Variants in PCBD2 observed in about 807,000 individuals in gnomAD.
PCBD2 encodes the protein pterin-4-alpha-carbinolamine dehydratase 2.
A neutral mutation model predicts 16.4 loss-of-function variants in PCBD2; 12 were observed. The ratio of observed to expected loss-of-function variants is 0.73; its 90% confidence interval spans 0.47 to 1.19. The LOEUF (loss-of-function observed/expected upper bound fraction) is 1.19. Among genes scored for constraint, PCBD2 ranks in the 50% most tolerant of loss-of-function variants. The pLI, the probability that PCBD2 is intolerant of heterozygous loss-of-function variation, is 0.00. For synonymous variants in PCBD2, 58 were observed against 61.8 expected, an observed-to-expected ratio of 0.94 and a Z score of 0.29; for missense variants, 138 against 156.8, an observed-to-expected ratio of 0.88 and a Z score of 0.64.
intron 2 of PCBD2, among the ~76,000 whole-genome samples, chr5:134,950,069 T>G (rs1751341584): frequency 6.6e-6 from 1 of 152,250 alleles, no homozygotes; most frequent in Non-Finnish European, 1.5e-5. Context: ...TAATAGTGTT[T>G]TCATTTGTAA....
intron 2 of PCBD2, among the ~76,000 whole-genome samples, chr5:134,922,346 C>T (rs1049940345): frequency 6.6e-6 from 1 of 151,506 alleles, no homozygotes; most frequent in African/African-American, 2.4e-5. Context: ...CACCCAGCTC[C>T]TCAGTTCAGT....
intron 2 of PCBD2, among the ~76,000 whole-genome samples, chr5:134,936,934 G>C (rs1386129669): frequency 6.6e-6 from 1 of 152,134 alleles, no homozygotes; most frequent in Admixed American, 6.5e-5. Flanking sequence ...TCACTCATTA[G>C]TGCCCTATTA....
At chr5:134,951,799 T>A (rs940899807) in intron 2 of PCBD2, among the ~76,000 whole-genome samples, 1 of 152,214 alleles carries the variant, frequency 6.6e-6, no homozygotes, top group East Asian at 1.9e-4. Flanking sequence ...TATTATGTCC[T>A]TTGCTCATTT....
intron 2 of PCBD2, among the ~76,000 whole-genome samples, chr5:134,958,180 G>T (rs1260640311): frequency 6.6e-6 from 1 of 152,120 alleles, no homozygotes; most frequent in Admixed American, 6.5e-5. Context: ...TGTGCATTCT[G>T]GAACAATAGA....
intron 2 of PCBD2, among the ~76,000 whole-genome samples, chr5:134,918,326 G>A (rs1750858871): frequency 6.6e-6 from 1 of 152,028 alleles, no homozygotes; most frequent in Non-Finnish European, 1.5e-5. Flanking sequence ...CCAAAATGGC[G>A]AAACCCCTTC....
intron 2 of PCBD2, among the ~76,000 whole-genome samples, chr5:134,920,526 G>A (rs112477784): frequency 1.3e-5 from 2 of 152,364 alleles, no homozygotes; most frequent in African/African-American, 4.8e-5. Flanking sequence ...TTGTTTGGGA[G>A]TAGCCCAGGT....
intron 1 of PCBD2, among the ~76,000 whole-genome samples, chr5:134,906,986 G>T (rs1750699361): frequency 6.6e-6 from 1 of 152,218 alleles, no homozygotes; most frequent in Non-Finnish European, 1.5e-5. Flanking sequence ...CCATTTCCCA[G>T]TCCTGGGTGT....
intron 2 of PCBD2, among the ~76,000 whole-genome samples, chr5:134,939,474 G>A (rs763748788): frequency 3.9e-5 from 6 of 151,940 alleles, no homozygotes; most frequent in Non-Finnish European, 7.4e-5. Flanking sequence ...TAGGGAAATC[G>A]GAAGCAGTCA....
intron 2 of PCBD2, among the ~76,000 whole-genome samples, chr5:134,946,680 C>T (rs954171035): frequency 3.9e-5 from 6 of 152,142 alleles, no homozygotes; most frequent in Admixed American, 2.0e-4. Flanking sequence ...AAAATGTGTA[C>T]TGCTTATAGA....
chr5:134,949,051 T>C (rs1428984773), intron 2 of PCBD2, among the ~76,000 whole-genome samples: 1 of 151,960 alleles, frequency 6.6e-6, no homozygotes, highest in South Asian at 2.1e-4. Flanking sequence ...TTAGGATTGG[T>C]GGGAGTTGTG....
At chr5:134,937,608 A>G (rs1751175953) in intron 2 of PCBD2, among the ~76,000 whole-genome samples, 1 of 152,236 alleles carries the variant, frequency 6.6e-6, no homozygotes, top group African/African-American at 2.4e-5. Flanking sequence ...GCTCTAATGC[A>G]CACTGTTTTA....
chr5:134,908,701 T>C (rs2149529548), intron 1 of PCBD2: 1 of 152,076 alleles, frequency 6.6e-6, no homozygotes, highest in Non-Finnish European at 1.5e-5. Context: ...CATTCTTTCC[T>C]TTTGTTAGTT....
intron 2 of PCBD2, among the ~76,000 whole-genome samples, chr5:134,956,571 TG>T (rs1278330249): frequency 6.6e-6 from 1 of 152,250 alleles, no homozygotes; most frequent in African/African-American, 2.4e-5. Flanking sequence ...TGTAAGAACT[TG>T]GGCAGTGACT....
At chr5:134,910,513 C>T (rs1396913100) in intron 2 of PCBD2, 47 bp downstream of exon 2, 1 of 1,595,298 alleles carries the variant, frequency 6.3e-7, no homozygotes, top group South Asian at 1.1e-5. Context: ...TTTTAGTCAC[C>T]TTAGGCCATA....
intron 3 of PCBD2, 90 bp downstream of exon 3, chr5:134,959,210 T>C: frequency 1.0e-6 from 1 of 956,592 alleles, no homozygotes; most frequent in Non-Finnish European, 1.6e-6. Flanking sequence ...CTAAATGTCA[T>C]TGTACTTAAG....
chr5:134,925,419 G>T (rs374438880), intron 2 of PCBD2: 1 of 398,492 alleles, frequency 2.5e-6, no homozygotes. Flanking sequence ...TGAGGTTGTG[G>T]ATGATGGATC....
At chr5:134,912,611 A>G (rs545688098) in intron 2 of PCBD2, among the ~76,000 whole-genome samples, 3 of 152,348 alleles carry the variant, frequency 2.0e-5, no homozygotes, top group African/African-American at 4.8e-5. Context: ...AGAAGAAGCA[A>G]TAGTCACTCA....
intron 2 of PCBD2, among the ~76,000 whole-genome samples, chr5:134,919,378 G>A (rs1750875200): frequency 6.6e-6 from 1 of 152,150 alleles, no homozygotes; most frequent in East Asian, 1.9e-4. Flanking sequence ...AATGTTGTGG[G>A]TTTAAATCTG....
chr5:134,940,549 G>A (rs1293379539), intron 2 of PCBD2, among the ~76,000 whole-genome samples: 1 of 152,146 alleles, frequency 6.6e-6, no homozygotes, highest in East Asian at 1.9e-4. Flanking sequence ...CTGGGTGCTT[G>A]AGGTAAGATT....
Sources: allele counts gnomAD v4.1 joint callset (sites outside exome capture counted in the v4.1 genomes callset), GRCh38; gene constraint gnomAD v4.1.1; transcripts MANE v1.5; gene names NCBI Gene and HGNC (gene_info 2026-07-23, HGNC 2026-07-21).